Variants in ZNF536 observed in about 807,000 individuals in gnomAD.
The protein encoded by ZNF536 is zinc finger protein 536.
ZNF536 carries 13 observed loss-of-function variants against 84.5 expected under a neutral mutation model. The observed-to-expected ratio is 0.15, with a 90% CI of 0.10 to 0.24. The LOEUF is 0.24. ZNF536 is among the 10% of genes least tolerant of loss of function. The pLI is 1.00. For synonymous variants in ZNF536, 811 were observed against 742.5 expected, an observed-to-expected ratio of 1.09 and a Z score of -1.50; for missense variants, 1,536 against 1,747.5, an observed-to-expected ratio of 0.88 and a Z score of 2.16.
chr19:30,338,261 A>T (rs2047447954), intron 2 of ZNF536, among the ~76,000 whole-genome samples: 1 of 151,574 alleles, frequency 6.6e-6, no homozygotes, highest in Non-Finnish European at 1.5e-5. Flanking sequence ...GATGATAAAG[A>T]TGATTGATGA....
At chr19:30,627,468 C>CAAAAAAAAAAAAAAAAAAAAAAAA (rs569312789) in intron 1 of ZNF536, among the ~76,000 whole-genome samples, 1 of 52,050 alleles carries the variant, frequency 1.9e-5, no homozygotes, top group African/African-American at 9.4e-5. Flanking sequence ...AAGGCCCTGT[C>CAAAAAAAAAAAAAAAAAAAAAAAA]AAAAAAAAAA....
chr19:30,677,846 C>T (rs538016833), intron 1 of ZNF536, among the ~76,000 whole-genome samples: 1 of 152,006 alleles, frequency 6.6e-6, no homozygotes, highest in African/African-American at 2.4e-5. Context: ...CTTGGTGATC[C>T]CTGAATGGGA....
At chr19:30,447,924 C>T (rs755993878) in intron 2 of ZNF536, among the ~76,000 whole-genome samples, 5 of 152,190 alleles carry the variant, frequency 3.3e-5, no homozygotes, top group Admixed American at 1.3e-4. Flanking sequence ...TCATTAATGA[C>T]GTGTTTACCG....
intron 1 of ZNF536, among the ~76,000 whole-genome samples, chr19:30,429,602 C>T (rs1229854699): frequency 2.0e-5 from 3 of 152,222 alleles, no homozygotes; most frequent in East Asian, 1.9e-4. Flanking sequence ...GATCCTTTTT[C>T]GAGTGAACAG....
At chr19:30,605,124 C>A (rs1325186916) in intron 1 of ZNF536, among the ~76,000 whole-genome samples, 1 of 152,144 alleles carries the variant, frequency 6.6e-6, no homozygotes, top group South Asian at 2.1e-4. Context: ...CATGTTCCTG[C>A]CATTGATGCT....
intron 1 of ZNF536, among the ~76,000 whole-genome samples, chr19:30,383,731 CTT>C (rs1220330492): frequency 1.9e-3 from 35 of 18,358 alleles, no homozygotes; most frequent in South Asian, 7.1e-3. Flanking sequence ...TTCTTTCTTT[CTT>C]TCTTTCTTTC....
intron 3 of ZNF536, among the ~76,000 whole-genome samples, chr19:30,545,821 C>T (rs2045530356): frequency 6.6e-6 from 1 of 152,190 alleles, no homozygotes; most frequent in South Asian, 2.1e-4. Flanking sequence ...AGTCCACCTT[C>T]CCCCTCTTTA....
chr19:30,701,834 C>G (rs1486019446), intron 1 of ZNF536, among the ~76,000 whole-genome samples: 1 of 152,218 alleles, frequency 6.6e-6, no homozygotes, highest in East Asian at 1.9e-4. Context: ...GGTGGGAAGA[C>G]ATCCCTCTGC....
At chr19:30,663,202 A>T (rs2050188635) in intron 1 of ZNF536, among the ~76,000 whole-genome samples, 1 of 151,996 alleles carries the variant, frequency 6.6e-6, no homozygotes, top group Non-Finnish European at 1.5e-5. Flanking sequence ...AGCACATGGT[A>T]GTGTCATTTA....
intron 2 of ZNF536, among the ~76,000 whole-genome samples, chr19:30,351,860 C>A (rs62101914): frequency 0.097 from 14,748 of 152,258 alleles, 924 homozygotes; most frequent in South Asian, 0.15. Flanking sequence ...ACATGGACTT[C>A]ATGTTAGGAA....
At chr19:30,246,702 A>G (rs2024299400) in intron 1 of ZNF536, among the ~76,000 whole-genome samples, 1 of 152,314 alleles carries the variant, frequency 6.6e-6, no homozygotes, top group East Asian at 1.9e-4. Context: ...AATATTTAGA[A>G]TGATCTCCTG....
chr19:30,258,726 T>A (rs1460442839), intron 1 of ZNF536, among the ~76,000 whole-genome samples: 2 of 138,232 alleles, frequency 1.4e-5, no homozygotes, highest in African/African-American at 6.0e-5. Flanking sequence ...TATTTATTTA[T>A]TTAATTTTTG....
intron 1 of ZNF536, among the ~76,000 whole-genome samples, chr19:30,414,285 A>G (rs1231417969): frequency 1.3e-5 from 2 of 152,040 alleles, no homozygotes; most frequent in Non-Finnish European, 2.9e-5. Flanking sequence ...AAAACTGGGG[A>G]ATGGTGGGCA....
intron 2 of ZNF536, among the ~76,000 whole-genome samples, chr19:30,520,710 A>G (rs978519478): frequency 2.0e-5 from 3 of 151,974 alleles, no homozygotes; most frequent in Non-Finnish European, 2.9e-5. Flanking sequence ...ACTCCATGAC[A>G]TGGATCACCA....
At chr19:30,392,473 C>T (rs182678228) in intron 1 of ZNF536, among the ~76,000 whole-genome samples, 16 of 152,258 alleles carry the variant, frequency 1.1e-4, no homozygotes, top group Non-Finnish European at 1.8e-4. Context: ...CCTGCACCAC[C>T]GCCCGGCAGC....
chr19:30,531,449 T>A (rs1003890547), intron 2 of ZNF536, among the ~76,000 whole-genome samples: 1 of 152,092 alleles, frequency 6.6e-6, no homozygotes, highest in African/African-American at 2.4e-5. Flanking sequence ...TTTGTGATTT[T>A]TTTTTTTTTG....
upstream of ZNF536, among the ~76,000 whole-genome samples, chr19:30,225,804 G>A (rs1427708736): frequency 6.6e-6 from 1 of 151,058 alleles, no homozygotes; most frequent in Non-Finnish European, 1.5e-5. Context: ...GACTCTTGGC[G>A]CGGCCCCCCC....
chr19:30,343,627 T>G (rs2047635040), intron 2 of ZNF536, among the ~76,000 whole-genome samples: 10 of 152,184 alleles, frequency 6.6e-5, no homozygotes. Flanking sequence ...GCTGAAGATG[T>G]ATATAGCATG....
At chr19:30,339,025 C>T (rs539016830) in intron 2 of ZNF536, among the ~76,000 whole-genome samples, 2 of 152,252 alleles carry the variant, frequency 1.3e-5, no homozygotes, top group East Asian at 3.9e-4. Flanking sequence ...CCTTCCCTCC[C>T]CCGGGCTGTA....
Sources: allele counts gnomAD v4.1 joint callset (sites outside exome capture counted in the v4.1 genomes callset), GRCh38; gene constraint gnomAD v4.1.1; transcripts MANE v1.5; gene names NCBI Gene and HGNC (gene_info 2026-07-23, HGNC 2026-07-21).